NRIP3: variants seen among roughly 807,000 people sequenced by gnomAD.
The protein encoded by NRIP3 is nuclear receptor interacting protein 3.
In NRIP3, 31 loss-of-function variants were observed where a neutral mutation model predicts 29.0. The ratio of observed to expected loss-of-function variants is 1.07; its 90% CI spans 0.80 to 1.44. The LOEUF (loss-of-function observed/expected upper bound fraction) is 1.44, where lower values mean the gene tolerates loss of function less well. NRIP3 is among the 40% of genes most tolerant of loss of function. The pLI is 0.00. For synonymous variants in NRIP3, 131 were observed against 118.3 expected, an observed-to-expected ratio of 1.11 and a Z score of -0.70; for missense variants, 314 against 297.9, an observed-to-expected ratio of 1.05 and a Z score of -0.40.
intron 1 of NRIP3, among the ~76,000 whole-genome samples, chr11:9,002,668 C>T (rs1854830180): frequency 6.8e-6 from 1 of 146,088 alleles, no homozygotes; most frequent in Admixed American, 6.9e-5. Context: ...ATGGCAATTT[C>T]AGTGAACTAG....
chr11:8,986,869 A>C (rs926853731), intron 3 of NRIP3, among the ~76,000 whole-genome samples: 2 of 152,172 alleles, frequency 1.3e-5, no homozygotes, highest in Non-Finnish European at 2.9e-5. Context: ...AAATACAAAA[A>C]ATTAGCTAGG....
At chr11:8,994,237 C>A (rs1269501581) in intron 1 of NRIP3, among the ~76,000 whole-genome samples, 1 of 152,206 alleles carries the variant, frequency 6.6e-6, no homozygotes, top group Non-Finnish European at 1.5e-5. Flanking sequence ...ACTACACTAA[C>A]ACCATCAATT....
intron 3 of NRIP3, among the ~76,000 whole-genome samples, chr11:8,986,584 T>C (rs746880865): frequency 3.9e-5 from 6 of 152,210 alleles, no homozygotes; most frequent in Non-Finnish European, 8.8e-5. Flanking sequence ...TTATAGCCCA[T>C]CCAAAAGAAA....
At chr11:8,995,347 T>C (rs1041327227) in intron 1 of NRIP3, among the ~76,000 whole-genome samples, 3 of 152,208 alleles carry the variant, frequency 2.0e-5, no homozygotes, top group Non-Finnish European at 1.5e-5. Context: ...ATTACTTTTC[T>C]CCAAACCTTA....
intron 1 of NRIP3, 43 bp downstream of exon 1, chr11:9,003,719 C>T: frequency 7.3e-7 from 1 of 1,362,458 alleles, no homozygotes; most frequent in Non-Finnish European, 9.5e-7. Context: ...ACGGCGGGCG[C>T]GAAGCCGCCG....
At position 8,983,552 on chromosome 11, in the gene NRIP3, TCTGAAGTG is replaced by T; in HGVS notation, c.711_718del (p.Asn237LysfsTer20). 3.1e-6 allele frequency: 5 copies of T among 1,613,794 alleles called. No homozygotes were observed. Among genetic ancestry groups the T allele is most frequent in the Non-Finnish European group, 4.2e-6 (5 of 1,179,762 alleles). ...ACATGCTGCAGGCTGTAGTTATGCT[TCTGAAGTG>T]CTGAAATGAGAAATAAATATCAGGA... On this transcript the variant is annotated frameshift_variant and splice_region_variant, in exon 7 of 7. Coordinates refer to ENST00000309166, the MANE Select transcript of NRIP3 (RefSeq NM_020645.3). LOFTEE classifies it high-confidence loss of function.
chr11:8,981,486 G>T lies in NRIP3; in HGVS notation c.*2059C>A, dbSNP rs950503046. On this transcript the variant is annotated 3_prime_UTR_variant, in exon 7 of 7. Transcript: ENST00000309166. ...CTGTCTAAAAAAAAAAAAAAAAAAA[G>T]AATAAACCAGCAGGAACCTTCAACA... The T allele has an allele frequency of 4.8e-5, 5 of 105,148 alleles. No individual in the cohort carries two copies. The highest frequency in any genetic ancestry group is 1.7e-4 in the African/African-American group (5 of 29,750). 6.5% of individuals were successfully genotyped at this position (105,148 alleles called of 1,614,324 possible). A position where few individuals can be genotyped will look rare whatever the true frequency, so the allele number is the denominator to read the frequency against.
At chr11:8,988,614 G>A (rs1234727019) in intron 1 of NRIP3, among the ~76,000 whole-genome samples, 3 of 152,200 alleles carry the variant, frequency 2.0e-5, no homozygotes, top group Non-Finnish European at 4.4e-5. Context: ...CCCCTTACAA[G>A]AGCATTTCAA....
In NRIP3 at chr11:8,983,356, C is replaced by A. The variant is rs1589957252; in HGVS notation, c.*189G>T. 9 of 598,602 alleles carry A rather than the reference C, an allele frequency of 1.5e-5. No homozygotes were observed. In the East Asian group the frequency reaches 2.0e-4, roughly 13 times the overall value. 37.1% of individuals were successfully genotyped at this position (598,602 alleles called of 1,614,324 possible). Reference sequence around the variant, plus strand: ...AGTAGTAAAAAACAATGGCCATAACCAGACAAGATCTCTAAGCATAGACTA... The same window carrying A: ...AGTAGTAAAAAACAATGGCCATAACAAGACAAGATCTCTAAGCATAGACTA... On this transcript the variant is annotated 3_prime_UTR_variant, in exon 7 of 7. Transcript: ENST00000309166.
At chr11:8,983,754 G>A (rs1854460209) in intron 6 of NRIP3, 121 bp downstream of exon 6, 1 of 939,198 alleles carries the variant, frequency 1.1e-6, no homozygotes, top group East Asian at 2.4e-5. Flanking sequence ...GGGTGGATTT[G>A]TAGTATAATT....
chr11:8,996,019 C>T (rs765502447), intron 1 of NRIP3, among the ~76,000 whole-genome samples: 6 of 152,152 alleles, frequency 3.9e-5, no homozygotes, highest in Non-Finnish European at 5.9e-5. Context: ...TCAGAGATAC[C>T]TTCCTTGACC....
Position 8,983,462 on chromosome 11 carries a change from G to T in NRIP3, c.*83C>A, listed in dbSNP as rs1037457670. ...GACTTGGTCCACAGCAAGTCACTAC[G>T]GCATTTGGTTCAAACCCAGTTTTCT... On this transcript the variant is annotated 3_prime_UTR_variant, in exon 7 of 7. Coordinates refer to ENST00000309166, the MANE Select transcript of NRIP3 (RefSeq NM_020645.3). 7.5e-6 allele frequency: 10 copies of T among 1,331,988 alleles called. No individual in the cohort carries two copies. Among genetic ancestry groups the T allele is most frequent in the Non-Finnish European group, 1.1e-5 (10 of 939,902 alleles). The allele number at this position is 1,331,988 out of a possible 1,614,324, so 82.5% of individuals were successfully genotyped here.
chr11:8,982,234 T>C lies in NRIP3; in HGVS notation c.*1311A>G, dbSNP rs1291923674. On this transcript the variant is annotated 3_prime_UTR_variant, in exon 7 of 7. Transcript: ENST00000309166. ...AGAAACCTTGTATTCTCCCCAACCT[T>C]TGACAGGGGTCAGGAAATACTGGGC... 1 of 152,228 alleles carries C rather than the reference T, an allele frequency of 6.6e-6. No homozygotes were observed. The highest frequency in any genetic ancestry group is 2.4e-5 in the African/African-American group (1 of 41,444). 9.4% of individuals were successfully genotyped at this position (152,228 alleles called of 1,614,324 possible). A position where few individuals can be genotyped will look rare whatever the true frequency, so the allele number is the denominator to read the frequency against.
At chr11:9,003,617 G>T in intron 1 of NRIP3, 145 bp downstream of exon 1, 1 of 757,660 alleles carries the variant, frequency 1.3e-6, no homozygotes, top group Non-Finnish European at 1.9e-6. Context: ...GTACTGGAAG[G>T]GGAGGAATCC....
At chr11:8,994,062 A>G (rs1193956865) in intron 1 of NRIP3, among the ~76,000 whole-genome samples, 2 of 152,206 alleles carry the variant, frequency 1.3e-5, no homozygotes, top group African/African-American at 2.4e-5. Flanking sequence ...TTTTTCTCAC[A>G]TAACAAGAAG....
chr11:8,996,427 C>T (rs1187546944), intron 1 of NRIP3, among the ~76,000 whole-genome samples: 3 of 151,792 alleles, frequency 2.0e-5, no homozygotes, highest in Non-Finnish European at 4.4e-5. Context: ...ACTACAGGTG[C>T]GTAGCAGCAC....
At chr11:8,997,694 A>G (rs1322406272) in intron 1 of NRIP3, among the ~76,000 whole-genome samples, 1 of 152,228 alleles carries the variant, frequency 6.6e-6, no homozygotes, top group Non-Finnish European at 1.5e-5. Context: ...TCAATCTGGC[A>G]CCCACACTGC....
At chr11:9,004,086 G>T (rs2134937213), upstream of NRIP3, 1 of 654,846 alleles carries the variant, frequency 1.5e-6, no homozygotes, top group Non-Finnish European at 2.3e-6. Context: ...GGCGGGGCCG[G>T]CACAGAGTCC....
intron 4 of NRIP3, among the ~76,000 whole-genome samples, chr11:8,984,875 G>C (rs999380315): frequency 6.6e-6 from 1 of 151,804 alleles, no homozygotes; most frequent in Non-Finnish European, 1.5e-5. Flanking sequence ...TTTTGAGACG[G>C]AGTTTCGCTC....
Sources: allele counts gnomAD v4.1 joint callset (sites outside exome capture counted in the v4.1 genomes callset), GRCh38; gene constraint gnomAD v4.1.1; transcripts MANE v1.5; gene names NCBI Gene and HGNC (gene_info 2026-07-23, HGNC 2026-07-21).